The following CTSD variants were observed in gnomAD, a reference collection of about 807,000 sequenced individuals.
CTSD encodes ceroid-lipofuscinosis, neuronal 10.
CTSD carries 28 observed loss-of-function variants against 43.6 expected under a neutral mutation model. The observed-to-expected ratio is 0.64, with a 90% CI of 0.48 to 0.88. The LOEUF (loss-of-function observed/expected upper bound fraction) is 0.88, where lower values mean the gene tolerates loss of function less well. Ranked by LOEUF, CTSD falls within the 40% of genes least tolerant of loss-of-function variation. The pLI, the probability that CTSD is intolerant of heterozygous loss-of-function variation, is 0.00. For missense variants in CTSD, 485 were observed against 555.2 expected, an observed-to-expected ratio of 0.87 and a Z score of 1.27; for synonymous variants, 270 against 249.8, an observed-to-expected ratio of 1.08 and a Z score of -0.76.
At chr11:1,758,933 CCCT>C in intron 4 of CTSD, 33 bp downstream of exon 4, 2 of 1,445,668 alleles carry the variant, frequency 1.4e-6, no homozygotes, top group African/African-American at 1.4e-5. Context: ...CACCCTGGCA[CCCT>C]CGAGTCCTGG....
At chr11:1,763,234 C>A (rs1036008864) in intron 1 of CTSD, among the ~76,000 whole-genome samples, 5 of 152,156 alleles carry the variant, frequency 3.3e-5, no homozygotes, top group African/African-American at 1.2e-4. Context: ...GTGAGCCGAC[C>A]CACTCCCCAT....
rs374010531 is a variant in CTSD, at chr11:1,753,796, C to A, written c.1071+7G>T. ...CTGGGGCGTGCGGCACCCCATTGCC[C>A]GCTCACCTTGAGCGTGTAGTCCTCT... is the stretch of plus-strand genomic sequence containing the variant. On this transcript the variant is annotated splice_region_variant and intron_variant, in intron 8 of 8. Coordinates refer to ENST00000236671, the MANE Select transcript of CTSD (RefSeq NM_001909.5). 1 of 1,613,256 alleles carries A rather than the reference C, an allele frequency of 6.2e-7. No homozygotes were observed.
chr11:1,759,472 G>A (rs375619970), intron 3 of CTSD, 44 bp downstream of exon 3: 36 of 1,611,018 alleles, frequency 2.2e-5, no homozygotes, highest in South Asian at 7.7e-5. Flanking sequence ...GCGACATCCC[G>A]GAAGGGCAGG....
Position 1,754,922 on chromosome 11 carries a change from GC to G in CTSD, c.810del (p.Trp270CysfsTer14), listed in dbSNP as rs1218657151. 1.9e-6 allele frequency: 3 copies of G among 1,613,942 alleles called. No individual in the cohort carries two copies. On this transcript the variant is annotated frameshift_variant, in exon 6 of 9. Coordinates refer to ENST00000236671, the MANE Select transcript of CTSD (RefSeq NM_001909.5). LOFTEE classifies it high-confidence loss of function. ...ACTACTCACTGGTCCAGGTGGACCTGCCAGTAGGCCTTGCGGGTGACATTCA... is the reference window on the plus strand; with the variant it reads ...ACTACTCACTGGTCCAGGTGGACCTGCAGTAGGCCTTGCGGGTGACATTCA... ...SYLNVTRKAYWQVHLDQVEVA... is the reference protein window; with the variant it reads ...SYLNVTRKAYXQVHLDQVEVA...
chr11:1,763,808 C>G lies in CTSD; in HGVS notation c.52G>C (p.Ala18Pro), dbSNP rs796052403. The change falls in exon 1 of 9, where the codon GCC (alanine) becomes CCC (proline). Residue 18 changes from alanine (A) to proline (P), a missense_variant. Coordinates refer to ENST00000236671, the MANE Select transcript of CTSD (RefSeq NM_001909.5). The stretch of plus-strand genomic sequence containing the variant: ...AGGCTTCACCTGACGAGCGCGGAGG[C>G]GGGTGCAGCCAGCAGGCAGAGGGCG... ...PLALCLLAAP[A>P]SALVRIPLHK... 2.2e-5 allele frequency: 33 copies of G among 1,525,966 alleles called. No individual in the cohort carries two copies. In the African/African-American group the frequency reaches 3.8e-4, roughly 18 times the overall value. 94.5% of individuals were successfully genotyped at this position (1,525,966 alleles called of 1,614,324 possible).
At chr11:1,763,711 AG>A (rs939835057) in intron 1 of CTSD, 80 bp downstream of exon 1, 8 of 1,307,110 alleles carry the variant, frequency 6.1e-6, no homozygotes, top group Admixed American at 2.3e-5. Flanking sequence ...GCCACAGGGG[AG>A]CGCGAAAGTC....
At chr11:1,761,507 C>T (rs1565023410) in intron 1 of CTSD, 39 bp from the exon 2 acceptor site, 1 of 1,611,564 alleles carries the variant, frequency 6.2e-7, no homozygotes. Context: ...GGAGGCCCTC[C>T]CGCCTGCCGG....
At chr11:1,754,303 G>A (rs183101544) in intron 6 of CTSD, 165 bp from the exon 7 acceptor site, 18 of 775,320 alleles carry the variant, frequency 2.3e-5, no homozygotes, top group Non-Finnish European at 3.8e-5. Context: ...GGGTGGGAGA[G>A]GAGACACAGA....
chr11:1,760,173 G>C (rs1407554666), intron 2 of CTSD, among the ~76,000 whole-genome samples: 4 of 152,252 alleles, frequency 2.6e-5, no homozygotes, highest in Non-Finnish European at 5.9e-5. Flanking sequence ...GGGTTCAGCT[G>C]GTCAAGGGGA....
chr11:1,761,271 TG>T, intron 2 of CTSD, 37 bp downstream of exon 2: 1 of 1,609,822 alleles, frequency 6.2e-7, no homozygotes, highest in Non-Finnish European at 8.5e-7. Flanking sequence ...CTCCTGACAG[TG>T]GCTCCGCTTG....
intron 5 of CTSD, 83 bp downstream of exon 5, chr11:1,757,241 G>A: frequency 2.6e-6 from 3 of 1,142,354 alleles, no homozygotes; most frequent in Non-Finnish European, 3.9e-6. Context: ...GGGCAGCACT[G>A]AGAGGGGGTG....
chr11:1,757,834 C>T, intron 4 of CTSD: 1 of 513,470 alleles, frequency 1.9e-6, no homozygotes, highest in Admixed American at 3.2e-5. Context: ...GCTCCGCTCC[C>T]TGCTCCGACC....
intron 4 of CTSD, among the ~76,000 whole-genome samples, chr11:1,758,567 C>T (rs1398747842): frequency 6.6e-6 from 1 of 152,124 alleles, no homozygotes; most frequent in Non-Finnish European, 1.5e-5. Flanking sequence ...GCCCCCACAG[C>T]GGGTTCCTGG....
intron 1 of CTSD, chr11:1,762,577 C>T (rs913075334): frequency 1.3e-5 from 2 of 152,236 alleles, no homozygotes; most frequent in African/African-American, 4.8e-5. Flanking sequence ...GGAAGAGCTC[C>T]AGGTTTTGTC....
In CTSD at chr11:1,753,850, G is replaced by A. The variant is rs1845760122; in HGVS notation, c.1024C>T (p.Leu342=). Residue 342 remains leucine (L), a synonymous_variant, in exon 8 of 9, where the codon CTG becomes TTG. Transcript: ENST00000236671. The part of the protein sequence containing the change: ...VSTLPAITLK[L]GGKGYKLSPE... The stretch of plus-strand genomic sequence containing the variant: ...GACAGCTTGTAGCCTTTGCCTCCCA[G>A]CTTCAGTGTGATCGCGGGCAGGGTG... The A allele has an allele frequency of 1.2e-6, 2 of 1,613,670 alleles. No individual in the cohort carries two copies. Among genetic ancestry groups the A allele is most frequent in the Non-Finnish European group, 1.7e-6 (2 of 1,179,746 alleles).
At chr11:1,759,686 TC>T in intron 2 of CTSD, 47 bp from the exon 3 acceptor site, 1 of 1,585,116 alleles carries the variant, frequency 6.3e-7, no homozygotes, top group Non-Finnish European at 8.6e-7. Context: ...GGGCCCCATC[TC>T]CCCACTGGGC....
In CTSD at chr11:1,753,486, C is replaced by T. The variant is rs201616935; in HGVS notation, c.*17G>A. On this transcript the variant is annotated 3_prime_UTR_variant, in exon 9 of 9. Transcript: ENST00000236671. The stretch of plus-strand genomic sequence containing the variant: ...ACTCTCCTCTGTTTCTGTGCTGGCG[C>T]GCGGACGCCTTGGGAACTAGAGGCG... 1.5e-5 allele frequency: 24 copies of T among 1,612,770 alleles called. No homozygotes were observed. In the East Asian group the frequency reaches 2.2e-4, roughly 15 times the overall value.
Position 1,759,575 on chromosome 11 carries a change from G to A in CTSD, c.293C>T (p.Thr98Met), listed in dbSNP as rs748897941. 10 of 1,613,568 alleles carry A rather than the reference G, an allele frequency of 6.2e-6. No individual in the cohort carries two copies. The highest frequency in any genetic ancestry group is 1.7e-5 in the Admixed American group (1 of 60,030). Residue 98 changes from threonine to methionine, a missense_variant, in exon 3 of 9, where the codon ACG becomes ATG. Thr to Met is a moderately conservative substitution (Grantham distance 81, BLOSUM62 -1). Coordinates refer to ENST00000236671, the MANE Select transcript of CTSD (RefSeq NM_001909.5). ...GGGGACCCACAGGTTGGAGGAGCCC[G>A]TGTCGAAGACGACTGTGAAGCACTG... Reference protein sequence around the residue: ...PPQCFTVVFDTGSSNLWVPSI... With the variant: ...PPQCFTVVFDMGSSNLWVPSI...
chr11:1,753,984 C>T lies in CTSD; in HGVS notation c.972+10G>A, dbSNP rs531682785. 58 of 1,605,134 alleles carry T rather than the reference C, an allele frequency of 3.6e-5. No individual in the cohort carries two copies. Among genetic ancestry groups the T allele is most frequent in the South Asian group, 3.4e-4 (31 of 90,534 alleles). ...CAGCCCCAGCCCCAGCCCCAGCCCC[C>T]GGCGCTCACCTCGCCCTGAATCAGC... On this transcript the variant is annotated intron_variant, in intron 7 of 8. Coordinates refer to ENST00000236671, the MANE Select transcript of CTSD (RefSeq NM_001909.5).
Sources: allele counts gnomAD v4.1 joint callset (sites outside exome capture counted in the v4.1 genomes callset), GRCh38; gene constraint gnomAD v4.1.1; transcripts MANE v1.5; gene names NCBI Gene and HGNC (gene_info 2026-07-23, HGNC 2026-07-21).